Variants in ZNF559 observed in about 807,000 individuals in gnomAD.
ZNF559 encodes the protein putative protein product of Nbla00121.
A neutral mutation model predicts 14.2 loss-of-function variants in ZNF559; 17 were observed. The ratio of observed to expected loss-of-function variants is 1.20; its 90% CI spans 0.82 to 1.80. ZNF559 has a LOEUF of 1.80. ZNF559 is among the 40% of genes most tolerant of loss of function. The pLI, the probability that ZNF559 is intolerant of heterozygous loss-of-function variation, is 0.00. For missense variants in ZNF559, 740 were observed against 629.7 expected (o/e 1.18, Z -1.88); for synonymous variants, 244 against 212.4 (o/e 1.15, Z -1.29).
At chr19:9,328,630 C>A (rs2066769159) in intron 2 of ZNF559, among the ~76,000 whole-genome samples, 1 of 151,930 alleles carries the variant, frequency 6.6e-6, no homozygotes, top group Non-Finnish European at 1.5e-5. Context: ...CTGCCTCAGC[C>A]TCCTAAAGTG....
intron 5 of ZNF559, 24 bp downstream of exon 5, chr19:9,339,343 A>G (rs754277670): frequency 1.9e-6 from 3 of 1,579,042 alleles, no homozygotes; most frequent in Non-Finnish European, 2.6e-6. Flanking sequence ...CATTCTTTTC[A>G]TTTAGTTTTT....
rs2067318888 is a variant in ZNF559 at position 9,337,731 on chromosome 19, ATTAT to A, written c.-119-60_-119-57del. 7.5e-6 allele frequency: 9 copies of A among 1,202,894 alleles called. No individual in the cohort carries two copies. The South Asian group carries it at 8.5e-5, about 11-fold the overall frequency. 74.5% of individuals were successfully genotyped at this position (1,202,894 alleles called of 1,614,324 possible). On this transcript the variant is annotated intron_variant, in intron 2 of 6. Coordinates refer to ENST00000603380, the MANE Select transcript of ZNF559 (RefSeq NM_032497.3). ...GGGTACTAGGTAAACGGGATTTGTTATTATTTATGTCCACGTGGCATAATACTCT... is the reference window on the plus strand; with the variant it reads ...GGGTACTAGGTAAACGGGATTTGTTATTATGTCCACGTGGCATAATACTCT...
At chr19:9,335,450 T>C (rs1431231307) in intron 2 of ZNF559, among the ~76,000 whole-genome samples, 1 of 152,078 alleles carries the variant, frequency 6.6e-6, no homozygotes, top group East Asian at 1.9e-4. Flanking sequence ...TTGGGAAGAG[T>C]GCAGCCCTGT....
At position 9,337,853 on chromosome 19, in the gene ZNF559, T is replaced by C. The variant is rs1473620230; in HGVS notation, c.-62T>C. The stretch of plus-strand genomic sequence containing the variant: ...ATGAGTAATGCCTGTTGCTGAAAGA[T>C]TGACGGTATGAGGCAAGACTCCCAC... On this transcript the variant is annotated 5_prime_UTR_variant, in exon 3 of 7. Coordinates refer to ENST00000603380, the MANE Select transcript of ZNF559 (RefSeq NM_032497.3). 3 of 1,498,042 alleles carry C rather than the reference T, an allele frequency of 2.0e-6. No homozygotes were observed. Among genetic ancestry groups the C allele is most frequent in the African/African-American group, 2.8e-5 (2 of 72,248 alleles). 92.8% of individuals were successfully genotyped at this position (1,498,042 alleles called of 1,614,324 possible). A position where few individuals can be genotyped will look rare whatever the true frequency, so the allele number is the denominator to read the frequency against.
chr19:9,340,780 T>C (rs1233135350), intron 5 of ZNF559, among the ~76,000 whole-genome samples: 1 of 149,796 alleles, frequency 6.7e-6, no homozygotes, highest in East Asian at 2.0e-4. Flanking sequence ...TTTCACCATA[T>C]TGGCCAGGAC....
chr19:9,335,778 G>A (rs1339060317), intron 2 of ZNF559, among the ~76,000 whole-genome samples: 1 of 152,154 alleles, frequency 6.6e-6, no homozygotes, highest in Non-Finnish European at 1.5e-5. Flanking sequence ...CAAGTGATCT[G>A]CCTGCTTTGG....
Position 9,341,992 on chromosome 19 carries a change from CAAG to C in ZNF559, c.543_545del (p.Glu182del). The C allele has an allele frequency of 1.2e-6, 2 of 1,612,618 alleles. No individual in the cohort carries two copies. The highest frequency in any genetic ancestry group is 1.1e-5 in the South Asian group (1 of 90,586). Reference sequence around the variant, plus strand: ...TCTTGTTTGCAAGAAAACTCACACTCAAGAGAAACCATATAAATGCAGTGACTG... The same window carrying C: ...TCTTGTTTGCAAGAAAACTCACACTCAGAAACCATATAAATGCAGTGACTG... On this transcript the variant is annotated inframe_deletion, in exon 7 of 7. Transcript: ENST00000603380.
intron 2 of ZNF559, among the ~76,000 whole-genome samples, chr19:9,326,202 T>A (rs2145044877): frequency 7.1e-6 from 1 of 140,342 alleles, no homozygotes; most frequent in South Asian, 2.4e-4. Flanking sequence ...CTCTGCCTCC[T>A]GCGTTCAAGC....
intron 2 of ZNF559, among the ~76,000 whole-genome samples, chr19:9,326,862 TTAAC>T (rs1473234631): frequency 6.6e-6 from 1 of 152,250 alleles, no homozygotes; most frequent in African/African-American, 2.4e-5. Context: ...AAAAAGTAGA[TTAAC>T]AAACCCAGGT....
chr19:9,343,244 T>TG lies in ZNF559; in HGVS notation c.*179dup. On this transcript the variant is annotated 3_prime_UTR_variant, in exon 7 of 7. Coordinates refer to ENST00000603380, the MANE Select transcript of ZNF559 (RefSeq NM_032497.3). ...AGAAGACATATGAATGTAAGGAATG[T>TG]GGGAAAATCTTGGCTCCTTCCATAG... 2 of 1,421,548 alleles carry TG rather than the reference T, an allele frequency of 1.4e-6. No individual in the cohort carries two copies. Among genetic ancestry groups the TG allele is most frequent in the Non-Finnish European group, 1.8e-6 (2 of 1,091,562 alleles). The allele number at this position is 1,421,548 out of a possible 1,614,324, so 88.1% of individuals were successfully genotyped here.
intron 2 of ZNF559, among the ~76,000 whole-genome samples, chr19:9,328,348 CTTTT>C (rs904074002): frequency 1.1e-3 from 66 of 60,982 alleles, no homozygotes; most frequent in African/African-American, 4.4e-3. Context: ...GCTTGTTTGT[CTTTT>C]TTTTTTTTTT....
intron 1 of ZNF559, chr19:9,324,450 G>C: frequency 1.4e-6 from 2 of 1,433,502 alleles, no homozygotes; most frequent in Non-Finnish European, 1.8e-6. Context: ...CCTCGGCCCG[G>C]GAGGAGGCGG....
In ZNF559 at chr19:9,342,410, C is replaced by G. The variant is rs769320294; in HGVS notation, c.959C>G (p.Thr320Ser). ...CTCAACATTCACATAAGGGTTCACA[C>G]TGGAGAAAAACCGTATGAGTGCAAC... ...SKLNIHIRVH[T>S]GEKPYECNKC... Residue 320 changes from threonine (T) to serine (S), a missense_variant, in exon 7 of 7, where the codon ACT becomes AGT. Physicochemically the swap from Thr to Ser is moderately conservative, Grantham distance 58. Coordinates refer to ENST00000603380, the MANE Select transcript of ZNF559 (RefSeq NM_032497.3). 25 of 1,613,938 alleles carry G rather than the reference C, an allele frequency of 1.5e-5. No homozygotes were observed. Among genetic ancestry groups the G allele is most frequent in the African/African-American group, 2.7e-5 (2 of 74,922 alleles).
chr19:9,324,117 C>T (rs1010514971), upstream of ZNF559: 21 of 1,524,796 alleles, frequency 1.4e-5, no homozygotes, highest in East Asian at 2.9e-4. Context: ...CCCGGGAACC[C>T]GAGGCCCCGC....
At chr19:9,336,672 C>T (rs2067258806) in intron 2 of ZNF559, among the ~76,000 whole-genome samples, 1 of 152,110 alleles carries the variant, frequency 6.6e-6, no homozygotes. Flanking sequence ...AGGTCTAGGA[C>T]ATTTTTTGTA....
At chr19:9,339,556 A>T (rs1051068370) in intron 5 of ZNF559, among the ~76,000 whole-genome samples, 3 of 152,048 alleles carry the variant, frequency 2.0e-5, no homozygotes, top group Admixed American at 1.3e-4. Flanking sequence ...TATGTGTATG[A>T]GCTTAAGCCT....
Position 9,341,204 on chromosome 19 carries a change from A to G in ZNF559, c.243+20A>G. On this transcript the variant is annotated intron_variant, in intron 6 of 6. Transcript: ENST00000603380. ...GAAATGGTAAGATTCAGAAGGTATA[A>G]TTTATTGTCTTCCATGTTAGAGGAA... 1 of 1,605,042 alleles carries G rather than the reference A, an allele frequency of 6.2e-7. No individual in the cohort carries two copies. Among genetic ancestry groups the G allele is most frequent in the Non-Finnish European group, 8.5e-7 (1 of 1,171,762 alleles).
intron 2 of ZNF559, among the ~76,000 whole-genome samples, chr19:9,328,674 C>T (rs1348840440): frequency 3.3e-5 from 5 of 152,098 alleles, no homozygotes; most frequent in Admixed American, 1.3e-4. Flanking sequence ...TGCGCCTGGC[C>T]TAAATGCATC....
intron 2 of ZNF559, among the ~76,000 whole-genome samples, chr19:9,337,373 A>T (rs188732611): frequency 4.0e-4 from 61 of 152,372 alleles, no homozygotes; most frequent in Middle Eastern, 3.4e-3. Context: ...TCCATAAGCT[A>T]AAAGGTCATC....
Sources: allele counts gnomAD v4.1 joint callset (sites outside exome capture counted in the v4.1 genomes callset), GRCh38; gene constraint gnomAD v4.1.1; transcripts MANE v1.5; gene names NCBI Gene and HGNC (gene_info 2026-07-23, HGNC 2026-07-21).